Variants in ATRN observed in about 807,000 individuals in gnomAD.
ATRN encodes the protein attractin, also known as attractin-2.
Under a neutral mutation model 178.7 loss-of-function variants are expected in ATRN, and 54 were observed. The ratio of observed to expected loss-of-function variants is 0.30; its 90% CI spans 0.24 to 0.38. The LOEUF is 0.38. ATRN is among the 10% of genes least tolerant of loss of function. The probability of loss-of-function intolerance (pLI) is 1.00; values close to 1 mark genes in which losing one functional copy is unlikely to be tolerated. For synonymous variants in ATRN, 636 were observed against 663.0 expected (o/e 0.96, Z 0.63); for missense variants, 1,443 against 1,815.1 (o/e 0.79, Z 3.73).
intron 1 of ATRN, among the ~76,000 whole-genome samples, chr20:3,509,389 A>G (rs2085093123): frequency 6.6e-6 from 1 of 152,234 alleles, no homozygotes; most frequent in African/African-American, 2.4e-5. Flanking sequence ...AACGTTTCAT[A>G]ATGATGAAAG....
chr20:3,475,059 G>A (rs2084505183), intron 1 of ATRN, among the ~76,000 whole-genome samples: 1 of 149,116 alleles, frequency 6.7e-6, no homozygotes, highest in South Asian at 2.1e-4. Flanking sequence ...AAAAAATTTA[G>A]TCCAAGTATT....
intron 27 of ATRN, among the ~76,000 whole-genome samples, chr20:3,642,566 TC>T (rs1455526940): frequency 6.6e-6 from 1 of 152,206 alleles, no homozygotes; most frequent in East Asian, 1.9e-4. Flanking sequence ...TCCCACTTGA[TC>T]TAGGCCACCG....
At chr20:3,570,195 T>A (rs950797743) in intron 11 of ATRN, among the ~76,000 whole-genome samples, 11 of 152,160 alleles carry the variant, frequency 7.2e-5, no homozygotes, top group Non-Finnish European at 1.2e-4. Context: ...AAGATCCATA[T>A]GTTACAATTG....
At chr20:3,603,977 A>G in intron 23 of ATRN, 128 bp from the exon 24 acceptor site, 1 of 715,994 alleles carries the variant, frequency 1.4e-6, no homozygotes, top group Non-Finnish European at 2.2e-6. Context: ...GAGCTCTTAA[A>G]GGCTATTACT....
At chr20:3,512,214 G>C (rs2085143787) in intron 1 of ATRN, among the ~76,000 whole-genome samples, 1 of 149,264 alleles carries the variant, frequency 6.7e-6, no homozygotes. Flanking sequence ...CCATTAACTT[G>C]TCATTTAACA....
At chr20:3,512,107 A>ATATAT in intron 1 of ATRN, among the ~76,000 whole-genome samples, 9 of 106,398 alleles carry the variant, frequency 8.5e-5, no homozygotes, top group East Asian at 7.0e-4. Context: ...ATATATATAT[A>ATATAT]TTTTTTTTTT....
intron 24 of ATRN, among the ~76,000 whole-genome samples, chr20:3,606,380 C>T (rs1273088091): frequency 6.6e-6 from 1 of 152,178 alleles, no homozygotes; most frequent in African/African-American, 2.4e-5. Context: ...GAATCCTCTT[C>T]CTCTTCCTTA....
intron 22 of ATRN, among the ~76,000 whole-genome samples, chr20:3,598,360 C>T (rs574888761): frequency 1.5e-4 from 23 of 152,266 alleles, no homozygotes; most frequent in African/African-American, 5.1e-4. Context: ...AAAGACACTG[C>T]TGATTGAAAT....
Position 3,490,700 on chromosome 20 carries a change from C to T in ATRN, c.410+19183C>T. 5.0e-6 allele frequency: 4 copies of T among 801,718 alleles called. No homozygotes were observed. The South Asian group carries it at 5.3e-5, about 11-fold the overall frequency. 49.7% of individuals were successfully genotyped at this position (801,718 alleles called of 1,614,324 possible). On this transcript the variant is annotated intron_variant, in intron 1 of 28. Coordinates refer to ENST00000262919, the MANE Select transcript of ATRN (RefSeq NM_139321.3). ...TCAGGAGCTCCTCAAATTTCACTGA[C>T]ATTGGCACACAGATCTCATTTGGGT...
At chr20:3,568,016 C>T (rs897620285) in intron 11 of ATRN, among the ~76,000 whole-genome samples, 5 of 152,118 alleles carry the variant, frequency 3.3e-5, no homozygotes, top group African/African-American at 9.7e-5. Context: ...CCTGGCCGGG[C>T]GTAGTGGCTC....
At chr20:3,539,286 A>T (rs985048205) in intron 2 of ATRN, among the ~76,000 whole-genome samples, 4 of 152,186 alleles carry the variant, frequency 2.6e-5, no homozygotes, top group African/African-American at 9.7e-5. Context: ...TCACTGGAGG[A>T]AGCAAAGTCT....
intron 1 of ATRN, among the ~76,000 whole-genome samples, chr20:3,521,714 T>G (rs1471608786): frequency 6.6e-6 from 1 of 152,188 alleles, no homozygotes; most frequent in Non-Finnish European, 1.5e-5. Context: ...CCTTGGAACA[T>G]TCAGTAAAAT....
intron 11 of ATRN, among the ~76,000 whole-genome samples, chr20:3,565,940 T>G (rs1256049052): frequency 6.6e-6 from 1 of 152,168 alleles, no homozygotes; most frequent in Non-Finnish European, 1.5e-5. Flanking sequence ...ATATTTGATG[T>G]GGAGGTGAAT....
chr20:3,559,531 G>A, intron 7 of ATRN, 48 bp downstream of exon 7: 1 of 1,454,764 alleles, frequency 6.9e-7, no homozygotes, highest in Non-Finnish European at 9.6e-7. Context: ...GTTTTCCTCA[G>A]TTACTTCATG....
chr20:3,535,584 C>A (rs965467967), intron 2 of ATRN, among the ~76,000 whole-genome samples: 1 of 133,256 alleles, frequency 7.5e-6, no homozygotes, highest in Non-Finnish European at 1.6e-5. Flanking sequence ...AGTTCAGAAA[C>A]GGTTACACAC....
At chr20:3,510,597 G>A (rs150543989) in intron 1 of ATRN, among the ~76,000 whole-genome samples, 153 of 151,736 alleles carry the variant, frequency 1.0e-3, no homozygotes, top group African/African-American at 3.4e-3. Flanking sequence ...CTTATTTTGC[G>A]TTTGTTTTGT....
intron 23 of ATRN, among the ~76,000 whole-genome samples, chr20:3,603,037 C>T (rs541620161): frequency 7.8e-5 from 11 of 141,252 alleles, no homozygotes; most frequent in Admixed American, 1.4e-4. Flanking sequence ...ATAATGTGGG[C>T]TCTAGTCACA....
chr20:3,557,638 G>A (rs2085896680), intron 6 of ATRN, among the ~76,000 whole-genome samples: 1 of 152,200 alleles, frequency 6.6e-6, no homozygotes, highest in African/African-American at 2.4e-5. Flanking sequence ...GATTGAGTCA[G>A]CTAAAATTCA....
chr20:3,503,465 A>C (rs2084991657), intron 1 of ATRN, among the ~76,000 whole-genome samples: 1 of 152,218 alleles, frequency 6.6e-6, no homozygotes, highest in Non-Finnish European at 1.5e-5. Flanking sequence ...CTTCAAAATC[A>C]ATTAAAATTA....
Sources: allele counts gnomAD v4.1 joint callset (sites outside exome capture counted in the v4.1 genomes callset), GRCh38; gene constraint gnomAD v4.1.1; transcripts MANE v1.5; gene names NCBI Gene and HGNC (gene_info 2026-07-23, HGNC 2026-07-21).